NFE2L3: variants seen among roughly 807,000 people sequenced by gnomAD.
NFE2L3 encodes nuclear factor erythroid 2-related factor 3.
A neutral mutation model predicts 23.5 loss-of-function variants in NFE2L3; 18 were observed. The ratio of observed to expected loss-of-function variants is 0.77; its 90% CI spans 0.53 to 1.13. The LOEUF (loss-of-function observed/expected upper bound fraction) is 1.13. Among genes scored for constraint, NFE2L3 ranks in the 50% most tolerant of loss-of-function variants. The pLI is 0.00. For synonymous variants in NFE2L3, 424 were observed against 354.5 expected, an observed-to-expected ratio of 1.20 and a Z score of -2.20; for missense variants, 1,152 against 877.2, an observed-to-expected ratio of 1.31 and a Z score of -3.96.
chr7:26,175,822 T>C lies in NFE2L3; in HGVS notation c.571-2121T>C, dbSNP rs146690978. On this transcript the variant is annotated intron_variant, in intron 1 of 3. Transcript: ENST00000056233. ...GTTTCCATATTTGATCAGTGTTTGCTTCCAATTAGCTGTTTGATCAATTTT... is the reference window on the plus strand; with the variant it reads ...GTTTCCATATTTGATCAGTGTTTGCCTCCAATTAGCTGTTTGATCAATTTT... 2.7e-3 allele frequency among the ~76,000 whole-genome samples: 409 copies of C among 150,994 alleles called. 2 individuals are homozygous for C. Among genetic ancestry groups the C allele is most frequent in the South Asian group, 7.3e-3 (35 of 4,794 alleles).
intron 2 of NFE2L3, among the ~76,000 whole-genome samples, chr7:26,178,348 T>C (rs1444203393): frequency 6.6e-6 from 1 of 152,234 alleles, no homozygotes; most frequent in East Asian, 1.9e-4. Flanking sequence ...ATTTTGTGTG[T>C]ATGTGCACAC....
At position 26,186,032 on chromosome 7, in the gene NFE2L3, AAAG is replaced by A; in HGVS notation, c.*252_*254del. Reference sequence around the variant, plus strand: ...GTATACAAAATTCATAGTTATGTCCAAAGAATAGGTTAACATGAAAACCCAGTA... The same window carrying A: ...GTATACAAAATTCATAGTTATGTCCAAATAGGTTAACATGAAAACCCAGTA... On this transcript the variant is annotated 3_prime_UTR_variant, in exon 4 of 4. Coordinates refer to ENST00000056233, the MANE Select transcript of NFE2L3 (RefSeq NM_004289.7). 5.9e-6 allele frequency: 2 copies of A among 339,274 alleles called. No individual in the cohort carries two copies. The highest frequency in any genetic ancestry group is 8.3e-4 in the Middle Eastern group (1 of 1,200). 21.0% of individuals were successfully genotyped at this position (339,274 alleles called of 1,614,324 possible). A position where few individuals can be genotyped will look rare whatever the true frequency, so the allele number is the denominator to read the frequency against.
At position 26,165,323 on chromosome 7, in the gene NFE2L3, G is replaced by A. The variant is rs573603237; in HGVS notation, c.570+12255G>A. 3.3e-3 allele frequency among the ~76,000 whole-genome samples: 495 copies of A among 152,032 alleles called. 3 individuals carry two copies. The highest frequency in any genetic ancestry group is 0.012 in the African/African-American group (477 of 41,456). On this transcript the variant is annotated intron_variant, in intron 1 of 3. Coordinates refer to ENST00000056233, the MANE Select transcript of NFE2L3 (RefSeq NM_004289.7). ...ATTTGTTTGTGTCCTCTTTTATTTC[G>A]TTGAGCAGTGGTTTGTAGTTCTCCT...
At chr7:26,183,891 C>A in intron 3 of NFE2L3, 107 bp downstream of exon 3, 1 of 731,182 alleles carries the variant, frequency 1.4e-6, no homozygotes. Context: ...TAAAGTAATG[C>A]TTATTTTTAC....
rs1782460296 is a variant in NFE2L3, at chr7:26,185,499, GACATAA to G, written c.1802_1807del (p.Asp601_Ile603delinsVal). On this transcript the variant is annotated inframe_deletion, in exon 4 of 4. Coordinates refer to ENST00000056233, the MANE Select transcript of NFE2L3 (RefSeq NM_004289.7). ...GCAGAACTGTCGTAAACGCAAATTG[GACATAA>G]TTTTGAATTTAGAAGATGATGTATG... 1 of 1,613,852 alleles carries G rather than the reference GACATAA, an allele frequency of 6.2e-7. No homozygotes were observed. The highest frequency in any genetic ancestry group is 1.7e-5 in the Admixed American group (1 of 59,996).
chr7:26,179,447 C>CTG (rs1355117843), intron 2 of NFE2L3, among the ~76,000 whole-genome samples: 1 of 151,152 alleles, frequency 6.6e-6, no homozygotes, highest in African/African-American at 2.4e-5. Flanking sequence ...CTGCAGTGAG[C>CTG]TGTGATCACA....
chr7:26,185,692 A>C lies in NFE2L3; in HGVS notation c.1994A>C (p.Gln665Pro), dbSNP rs1232271259. ...GTCAATCCCAACCACTATGCTCTCC[A>C]GTGTACCCATGATGGAAGTATCTTG... ...RPVNPNHYAL[Q>P]CTHDGSILIV... Residue 665 changes from glutamine to proline, a missense_variant, in exon 4 of 4, where the codon CAG (glutamine) becomes CCG (proline). Physicochemically the swap from Gln to Pro is moderately conservative, Grantham distance 76 (BLOSUM62 -1). Transcript: ENST00000056233. 6.2e-7 allele frequency: 1 copy of C among 1,613,892 alleles called. No individual in the cohort carries two copies. Among genetic ancestry groups the C allele is most frequent in the Admixed American group, 1.7e-5 (1 of 60,010 alleles).
chr7:26,163,815 C>T (rs187785031), intron 1 of NFE2L3, among the ~76,000 whole-genome samples: 450 of 152,012 alleles, frequency 3.0e-3, no homozygotes, highest in African/African-American at 0.01. Flanking sequence ...CCTCCCCCGA[C>T]CCCACAACAG....
At chr7:26,165,533 TAAG>T (rs1583929291) in intron 1 of NFE2L3, among the ~76,000 whole-genome samples, 1 of 152,250 alleles carries the variant, frequency 6.6e-6, no homozygotes, top group East Asian at 1.9e-4. Context: ...CTTATCAGCT[TAAG>T]GAGATCTTGG....
At position 26,183,725 on chromosome 7, in the gene NFE2L3, T is replaced by A. The variant is rs765700980; in HGVS notation, c.775T>A (p.Ser259Thr). 5.6e-6 allele frequency: 9 copies of A among 1,612,532 alleles called. No homozygotes were observed. The highest frequency in any genetic ancestry group is 6.8e-6 in the Non-Finnish European group (8 of 1,178,648). ...NERHLNGTDTSFSLEDLFQLL... is the reference protein window; with the variant it reads ...NERHLNGTDTTFSLEDLFQLL... ...GAGACATCTGAATGGGACAGATACT[T>A]CTTTCTCTCTGGAAGACTTATTCCA... The change falls in exon 3 of 4, where the codon TCT becomes ACT. Residue 259 changes from serine to threonine, a missense_variant. Physicochemically the swap from Ser to Thr is moderately conservative, Grantham distance 58. Coordinates refer to ENST00000056233, the MANE Select transcript of NFE2L3 (RefSeq NM_004289.7).
chr7:26,169,451 T>A (rs1240087440), intron 1 of NFE2L3, among the ~76,000 whole-genome samples: 1 of 152,114 alleles, frequency 6.6e-6, no homozygotes, highest in Non-Finnish European at 1.5e-5. Flanking sequence ...GCCTGACAGG[T>A]CATGGGATGT....
At chr7:26,177,070 C>T (rs1237225547) in intron 1 of NFE2L3, among the ~76,000 whole-genome samples, 1 of 78,258 alleles carries the variant, frequency 1.3e-5, no homozygotes, top group Middle Eastern at 6.5e-3. Context: ...TCCTCACTTC[C>T]TAGACGGGGT....
intron 2 of NFE2L3, among the ~76,000 whole-genome samples, chr7:26,183,319 G>A (rs1393157433): frequency 2.6e-5 from 4 of 152,096 alleles, no homozygotes; most frequent in African/African-American, 4.8e-5. Context: ...AGGCCTAGGT[G>A]GGTGGATCAC....
chr7:26,167,192 G>A (rs1036294066), intron 1 of NFE2L3, among the ~76,000 whole-genome samples: 1 of 152,180 alleles, frequency 6.6e-6, no homozygotes, highest in African/African-American at 2.4e-5. Flanking sequence ...AAAGGTGAAT[G>A]GCTGGAGGGC....
At chr7:26,179,226 T>C (rs1032882004) in intron 2 of NFE2L3, among the ~76,000 whole-genome samples, 2 of 152,100 alleles carry the variant, frequency 1.3e-5, no homozygotes, top group East Asian at 3.9e-4. Context: ...TGTGTCCATG[T>C]ACAGTTGCTC....
Position 26,185,302 on chromosome 7 carries a change from T to G in NFE2L3, c.1604T>G (p.Leu535Trp), listed in dbSNP as rs748624281. Residue 535 changes from leucine (L) to tryptophan (W), a missense_variant, in exon 4 of 4, where the codon TTG becomes TGG. Coordinates refer to ENST00000056233, the MANE Select transcript of NFE2L3 (RefSeq NM_004289.7). ...SRYLEDTDRNLSRDEQRAKAL... is the reference protein window; with the variant it reads ...SRYLEDTDRNWSRDEQRAKAL... Reference sequence around the variant, plus strand: ...TACCTTGAAGACACAGATAGAAACTTGAGCCGTGATGAACAGCGTGCTAAA... The same window carrying G: ...TACCTTGAAGACACAGATAGAAACTGGAGCCGTGATGAACAGCGTGCTAAA... The G allele has an allele frequency of 1.9e-6, 3 of 1,614,142 alleles. No homozygotes were observed. Among genetic ancestry groups the G allele is most frequent in the Admixed American group, 3.3e-5 (2 of 60,022 alleles).
At position 26,184,939 on chromosome 7, in the gene NFE2L3, A is replaced by T. The variant is rs1233548283; in HGVS notation, c.1241A>T (p.Glu414Val). ...DPIDVSQLFD[E>V]PDSDSGLSLD... ...ATCGATGTTTCTCAGCTTTTTGATG[A>T]ACCAGATTCTGATTCTGGCCTTTCT... The change falls in exon 4 of 4, where the codon GAA becomes GTA. Residue 414 changes from glutamate to valine, a missense_variant. Physicochemically the swap from Glu to Val is moderately radical, Grantham distance 121. Transcript: ENST00000056233. 2 of 1,613,930 alleles carry T rather than the reference A, an allele frequency of 1.2e-6. No homozygotes were observed. The highest frequency in any genetic ancestry group is 3.3e-5 in the Admixed American group (2 of 60,018).
At chr7:26,169,250 C>T (rs1048681655) in intron 1 of NFE2L3, among the ~76,000 whole-genome samples, 1 of 152,210 alleles carries the variant, frequency 6.6e-6, no homozygotes, top group African/African-American at 2.4e-5. Context: ...GAAGCAGACT[C>T]TGAGACTGCC....
intron 1 of NFE2L3, among the ~76,000 whole-genome samples, chr7:26,177,166 G>T (rs1179252568): frequency 9.2e-5 from 14 of 152,076 alleles, no homozygotes; most frequent in African/African-American, 3.4e-4. Context: ...GGGTGGCCAG[G>T]CAGAGACGCT....
Sources: gnomAD v4.1 joint callset for allele counts (sites outside exome capture counted in the v4.1 genomes callset) on GRCh38, gnomAD v4.1.1 for gene constraint, MANE v1.5 for transcripts, NCBI Gene and HGNC (gene_info 2026-07-23, HGNC 2026-07-21) for gene names.